Variants in SLC44A5 observed in about 807,000 individuals in gnomAD.
SLC44A5 encodes the protein choline transporter-like protein 5.
Under a neutral mutation model 101.8 loss-of-function variants are expected in SLC44A5, and 57 were observed. That is an observed-to-expected ratio of 0.56 (90% CI 0.45 to 0.70). The LOEUF (loss-of-function observed/expected upper bound fraction) is 0.70, where lower values mean the gene tolerates loss of function less well. Ranked by LOEUF, SLC44A5 falls within the 30% of genes least tolerant of loss-of-function variation. The probability of loss-of-function intolerance (pLI) is 0.00; values close to 1 mark genes in which losing one functional copy is unlikely to be tolerated. For missense variants in SLC44A5, 737 were observed against 853.1 expected (o/e 0.86, Z 1.70); for synonymous variants, 281 against 290.9 (o/e 0.97, Z 0.35).
At chr1:75,476,823 G>C (rs1227228287) in intron 2 of SLC44A5, among the ~76,000 whole-genome samples, 1 of 152,246 alleles carries the variant, frequency 6.6e-6, no homozygotes. Flanking sequence ...TCTGGGGGCA[G>C]GGCACAGACA....
intron 3 of SLC44A5, among the ~76,000 whole-genome samples, chr1:75,355,417 T>C (rs982911738): frequency 6.6e-6 from 1 of 152,218 alleles, no homozygotes; most frequent in Non-Finnish European, 1.5e-5. Context: ...AAAGGAAGAA[T>C]ATAATCCATA....
intron 2 of SLC44A5, among the ~76,000 whole-genome samples, chr1:75,487,027 G>A (rs1407353752): frequency 6.6e-6 from 1 of 152,130 alleles, no homozygotes; most frequent in African/African-American, 2.4e-5. Flanking sequence ...AGTGACTAAT[G>A]TACAATAATA....
chr1:75,434,685 C>T (rs568624621), intron 2 of SLC44A5, among the ~76,000 whole-genome samples: 10 of 152,214 alleles, frequency 6.6e-5, no homozygotes, highest in South Asian at 2.1e-4. Flanking sequence ...TCCCACCTCA[C>T]GCCTCCCACC....
chr1:75,404,104 C>G (rs1043087319), intron 2 of SLC44A5, among the ~76,000 whole-genome samples: 6 of 151,712 alleles, frequency 4.0e-5, no homozygotes, highest in Admixed American at 2.6e-4. Context: ...ATATCAGAGA[C>G]TGAAGATCAA....
In SLC44A5 at chr1:75,217,920, C is replaced by T. The variant is rs2100489524; in HGVS notation, c.1570G>A (p.Ala524Thr). Residue 524 changes from alanine (A) to threonine (T), a missense_variant, in exon 18 of 24, where the codon GCA becomes ACA. Coordinates refer to ENST00000370859, the MANE Select transcript of SLC44A5 (RefSeq NM_001130058.2). ...ACAATTTTAAACATTTGAATTAATG[C>T]AATAATTAAAGATCCAAATGCTAGG... ...GSLAFGSLII[A>T]LIQMFKIVLE... 2.5e-6 allele frequency: 4 copies of T among 1,605,736 alleles called. No homozygotes were observed. Among genetic ancestry groups the T allele is most frequent in the South Asian group, 1.1e-5 (1 of 90,822 alleles).
At chr1:75,440,264 G>C (rs1665121452) in intron 2 of SLC44A5, among the ~76,000 whole-genome samples, 1 of 152,122 alleles carries the variant, frequency 6.6e-6, no homozygotes, top group Admixed American at 6.6e-5. Context: ...AAATCATTGT[G>C]GTTTGAGAAG....
At chr1:75,519,344 G>T (rs1395294087) in intron 2 of SLC44A5, among the ~76,000 whole-genome samples, 1 of 152,112 alleles carries the variant, frequency 6.6e-6, no homozygotes, top group Non-Finnish European at 1.5e-5. Context: ...AATAACTTGA[G>T]ATCAGGAGTT....
intron 1 of SLC44A5, among the ~76,000 whole-genome samples, chr1:75,602,261 A>G (rs1427372971): frequency 3.9e-5 from 6 of 152,196 alleles, no homozygotes; most frequent in Admixed American, 3.9e-4. Context: ...TACAGAAGTT[A>G]AAACATAGGG....
chr1:75,214,622 C>A lies in SLC44A5; in HGVS notation c.1785G>T (p.Leu595=), dbSNP rs768008806. 1 of 1,611,732 alleles carries A rather than the reference C, an allele frequency of 6.2e-7. No individual in the cohort carries two copies. Among genetic ancestry groups the A allele is most frequent in the South Asian group, 1.1e-5 (1 of 90,604 alleles). Residue 595 remains leucine, a synonymous_variant, in exon 20 of 24, where the codon CTG becomes CTT. Transcript: ENST00000370859. The part of the protein sequence containing the change: ...CRSAKDAFNL[L]MRNVLKVAVT... ...TTACTTACTTCAAAACATTTCTCAT[C>A]AGCAGATTGAAAGCATCTTTTGCTG...
At chr1:75,591,444 G>T (rs1033391583) in intron 1 of SLC44A5, among the ~76,000 whole-genome samples, 1 of 151,918 alleles carries the variant, frequency 6.6e-6, no homozygotes, top group African/African-American at 2.4e-5. Context: ...ATATGCTGTT[G>T]GATTTGATTA....
At chr1:75,510,458 A>C (rs953698215) in intron 2 of SLC44A5, among the ~76,000 whole-genome samples, 4 of 152,224 alleles carry the variant, frequency 2.6e-5, no homozygotes, top group African/African-American at 9.6e-5. Flanking sequence ...TGGGTACAAA[A>C]ATTGAAAAAG....
intron 18 of SLC44A5, among the ~76,000 whole-genome samples, chr1:75,216,093 A>G (rs1646956718): frequency 6.6e-6 from 1 of 151,980 alleles, no homozygotes; most frequent in South Asian, 2.1e-4. Context: ...CTCAAACACA[A>G]ATTCTATGCC....
chr1:75,638,282 A>G, the SLC44A5 span, among the ~76,000 whole-genome samples: 1,974 of 152,198 alleles, frequency 0.013, 50 homozygotes, highest in African/African-American at 0.045. Context: ...AAAATCACAC[A>G]AGTGAAACAT....
chr1:75,680,124 G>A, the SLC44A5 span, among the ~76,000 whole-genome samples: 1 of 152,128 alleles, frequency 6.6e-6, no homozygotes. Flanking sequence ...AGTCTTGAGT[G>A]ACCTACAAAG....
intron 2 of SLC44A5, among the ~76,000 whole-genome samples, chr1:75,519,835 C>T (rs888607933): frequency 6.6e-6 from 1 of 152,188 alleles, no homozygotes; most frequent in Non-Finnish European, 1.5e-5. Flanking sequence ...AGGGTTGTCT[C>T]TTAGAAAGTA....
chr1:75,568,288 A>G (rs1672893302), intron 1 of SLC44A5, among the ~76,000 whole-genome samples: 1 of 150,806 alleles, frequency 6.6e-6, no homozygotes, highest in Non-Finnish European at 1.5e-5. Context: ...CCCATTAAAA[A>G]TCCATTAGGA....
chr1:75,240,512 C>A (rs935187174), intron 9 of SLC44A5, among the ~76,000 whole-genome samples: 1 of 152,034 alleles, frequency 6.6e-6, no homozygotes, highest in Non-Finnish European at 1.5e-5. Flanking sequence ...TACCTTTATA[C>A]CTATTATATC....
intron 2 of SLC44A5, among the ~76,000 whole-genome samples, chr1:75,457,994 C>T (rs1210609804): frequency 1.3e-5 from 2 of 152,180 alleles, no homozygotes; most frequent in Non-Finnish European, 2.9e-5. Context: ...AGACACAGTC[C>T]TTACCCTCAA....
At chr1:75,702,140 A>G in the SLC44A5 span, among the ~76,000 whole-genome samples, 3 of 152,216 alleles carry the variant, frequency 2.0e-5, no homozygotes, top group African/African-American at 7.2e-5. Flanking sequence ...CTTTCTTCAC[A>G]GAATTGGAAA....
Sources: gnomAD v4.1 joint callset for allele counts (sites outside exome capture counted in the v4.1 genomes callset) on GRCh38, gnomAD v4.1.1 for gene constraint, MANE v1.5 for transcripts, NCBI Gene and HGNC (gene_info 2026-07-23, HGNC 2026-07-21) for gene names.